The following ASAP1 variants were observed in gnomAD, a reference collection of about 807,000 sequenced individuals.
The protein encoded by ASAP1 is ArfGAP with SH3 domain, ankyrin repeat and PH domain 1, also known as arf-GAP with SH3 domain, ANK repeat and PH domain-containing protein 1.
Under a neutral mutation model 145.2 loss-of-function variants are expected in ASAP1, and 43 were observed. The ratio of observed to expected loss-of-function variants is 0.30; its 90% confidence interval spans 0.23 to 0.38. The LOEUF (loss-of-function observed/expected upper bound fraction) is 0.38, where lower values mean the gene tolerates loss of function less well. Ranked by LOEUF, ASAP1 falls within the 10% of genes least tolerant of loss-of-function variation. The pLI is 1.00. For missense variants in ASAP1, 1,018 were observed against 1,355.3 expected (o/e 0.75, Z 3.91); for synonymous variants, 546 against 515.5 (o/e 1.06, Z -0.80).
chr8:130,270,446 A>G (rs902378140), intron 3 of ASAP1, among the ~76,000 whole-genome samples: 9 of 152,250 alleles, frequency 5.9e-5, no homozygotes, highest in African/African-American at 9.6e-5. Flanking sequence ...TCTGTATGTA[A>G]AAGTATAAAG....
chr8:130,166,028 GT>G, intron 11 of ASAP1, among the ~76,000 whole-genome samples: 1 of 151,858 alleles, frequency 6.6e-6, no homozygotes. Context: ...TTTTTTGTTT[GT>G]TTGTTTGTTT....
intron 3 of ASAP1, among the ~76,000 whole-genome samples, chr8:130,252,618 G>A (rs1410040175): frequency 6.6e-6 from 1 of 152,074 alleles, no homozygotes; most frequent in South Asian, 2.1e-4. Context: ...GCTCCTGTCT[G>A]GGGCCCAAAA....
intron 3 of ASAP1, among the ~76,000 whole-genome samples, chr8:130,268,675 TG>T (rs1214481641): frequency 5.9e-5 from 9 of 152,104 alleles, no homozygotes; most frequent in African/African-American, 2.2e-4. Context: ...TAAAAATAGT[TG>T]GGTTAGAGTA....
chr8:130,225,405 C>T (rs1817531573), intron 4 of ASAP1, among the ~76,000 whole-genome samples: 1 of 152,096 alleles, frequency 6.6e-6, no homozygotes. Flanking sequence ...GTTTATATAG[C>T]ACAGGAAAGG....
chr8:130,199,078 ATAAT>A (rs1815697209), intron 5 of ASAP1, among the ~76,000 whole-genome samples: 2 of 152,202 alleles, frequency 1.3e-5, no homozygotes, highest in Non-Finnish European at 2.9e-5. Context: ...ACCATTCTAA[ATAAT>A]AAATAAGTCC....
rs1003458403 is a variant in ASAP1 at position 130,310,201 on chromosome 8, A to C, written c.186+47816T>G. On this transcript the variant is annotated intron_variant, in intron 3 of 29. Transcript: ENST00000518721. ...AGATAGAGGGATTAAATGGTAGAAC[A>C]AATATGAAAGAGCTTTATAATTCTC... Among the ~76,000 whole-genome samples the C allele has an allele frequency of 4.6e-5, 7 of 152,262 alleles. No homozygotes were observed. In the East Asian group the frequency reaches 1.2e-3, roughly 25 times the overall value.
intron 9 of ASAP1, among the ~76,000 whole-genome samples, chr8:130,177,486 A>G (rs1814043290): frequency 6.6e-6 from 1 of 152,224 alleles, no homozygotes; most frequent in Non-Finnish European, 1.5e-5. Flanking sequence ...AATTTGATGA[A>G]AGATAAAAAA....
intron 9 of ASAP1, among the ~76,000 whole-genome samples, chr8:130,170,134 A>T (rs142858495): frequency 1.4e-4 from 22 of 152,200 alleles, no homozygotes; most frequent in Admixed American, 1.1e-3. Context: ...TCCCTATCAC[A>T]GTGGGCCCAA....
At chr8:130,089,869 A>G (rs1306825402) in intron 25 of ASAP1, among the ~76,000 whole-genome samples, 1 of 152,252 alleles carries the variant, frequency 6.6e-6, no homozygotes, top group Non-Finnish European at 1.5e-5. Context: ...TTAAATTTAA[A>G]ATTTTGATTT....
At chr8:130,137,364 T>C (rs2097597441) in intron 13 of ASAP1, among the ~76,000 whole-genome samples, 1 of 152,232 alleles carries the variant, frequency 6.6e-6, no homozygotes, top group Non-Finnish European at 1.5e-5. Context: ...AATATCCTGG[T>C]GATTTTTCAG....
At chr8:130,400,972 C>T (rs956873980) in intron 2 of ASAP1, among the ~76,000 whole-genome samples, 16 of 151,890 alleles carry the variant, frequency 1.1e-4, no homozygotes, top group African/African-American at 2.2e-4. Context: ...CCTCTGCTTC[C>T]GGGGTTCAAG....
At chr8:130,380,010 G>T (rs1827692196) in intron 2 of ASAP1, among the ~76,000 whole-genome samples, 1 of 152,196 alleles carries the variant, frequency 6.6e-6, no homozygotes, top group Non-Finnish European at 1.5e-5. Flanking sequence ...ACCCCTGACA[G>T]TGGGCAGCTA....
chr8:130,197,438 A>G (rs558640063), intron 5 of ASAP1, among the ~76,000 whole-genome samples: 9 of 152,158 alleles, frequency 5.9e-5, no homozygotes, highest in African/African-American at 1.9e-4. Context: ...GACAGAACAG[A>G]CTGTCTCAAA....
At chr8:130,172,364 A>G (rs1432225962) in intron 9 of ASAP1, among the ~76,000 whole-genome samples, 1 of 152,244 alleles carries the variant, frequency 6.6e-6, no homozygotes, top group African/African-American at 2.4e-5. Context: ...CCAAGATCCC[A>G]GAAATCACCA....
At chr8:130,127,437 G>A (rs1003027829) in intron 16 of ASAP1, among the ~76,000 whole-genome samples, 2 of 152,096 alleles carry the variant, frequency 1.3e-5, no homozygotes, top group South Asian at 2.1e-4. Context: ...GGCTGGTCTC[G>A]AACTCCTGAC....
At chr8:130,390,740 C>T (rs760170894) in intron 2 of ASAP1, among the ~76,000 whole-genome samples, 16 of 152,194 alleles carry the variant, frequency 1.1e-4, no homozygotes, top group Admixed American at 9.2e-4. Context: ...TTCATACCTA[C>T]TAGGATGGCT....
At chr8:130,399,095 T>C (rs1437621069) in intron 2 of ASAP1, among the ~76,000 whole-genome samples, 2 of 152,180 alleles carry the variant, frequency 1.3e-5, no homozygotes, top group African/African-American at 4.8e-5. Context: ...CCTTAAAGGA[T>C]GGGACGTGCC....
At chr8:130,443,137 C>T (rs1587066318) in intron 1 of ASAP1, among the ~76,000 whole-genome samples, 1 of 151,948 alleles carries the variant, frequency 6.6e-6, no homozygotes, top group Non-Finnish European at 1.5e-5. Flanking sequence ...CGGAGGGGGA[C>T]GCGAAACCCC....
At chr8:130,119,110 T>C (rs1425000639) in intron 18 of ASAP1, among the ~76,000 whole-genome samples, 1 of 152,222 alleles carries the variant, frequency 6.6e-6, no homozygotes, top group Non-Finnish European at 1.5e-5. Context: ...TTTTTATTTA[T>C]TTTGTAAAAT....
Sources: gnomAD v4.1 joint callset for allele counts (sites outside exome capture counted in the v4.1 genomes callset) on GRCh38, gnomAD v4.1.1 for gene constraint, MANE v1.5 for transcripts, NCBI Gene and HGNC (gene_info 2026-07-23, HGNC 2026-07-21) for gene names.